The following FAF2 variants were observed in gnomAD, a reference collection of about 807,000 sequenced individuals.
FAF2 encodes the protein FAS-associated factor 2.
In FAF2, 9 loss-of-function variants were observed where a neutral mutation model predicts 62.3. The observed-to-expected ratio is 0.14, with a 90% CI of 0.09 to 0.25. The LOEUF is 0.25. FAF2 is among the 10% of genes least tolerant of loss of function. FAF2 has a pLI of 1.00. For missense variants in FAF2, 368 were observed against 556.2 expected, an observed-to-expected ratio of 0.66 and a Z score of 3.40; for synonymous variants, 202 against 198.0, an observed-to-expected ratio of 1.02 and a Z score of -0.17.
At chr5:176,504,128 C>G (rs185347510) in intron 10 of FAF2, among the ~76,000 whole-genome samples, 1 of 151,490 alleles carries the variant, frequency 6.6e-6, no homozygotes, top group African/African-American at 2.4e-5. Context: ...AAAACAAAAG[C>G]CAAGTTTGTA....
rs1341424081 is a variant in FAF2 at position 176,495,759 on chromosome 5, AC to A, written c.662-725del. 4.6e-5 allele frequency among the ~76,000 whole-genome samples: 7 copies of A among 151,570 alleles called. No individual in the cohort carries two copies. In the East Asian group the frequency reaches 1.4e-3, roughly 30 times the overall value. ...ACCCCTGACCTCAAGTGATCCAACCACCTCCGCCTCCCAAAAGTGCTAGGAT... is the reference window on the plus strand; with the variant it reads ...ACCCCTGACCTCAAGTGATCCAACCACTCCGCCTCCCAAAAGTGCTAGGAT... On this transcript the variant is annotated intron_variant, in intron 7 of 10. Coordinates refer to ENST00000261942, the MANE Select transcript of FAF2 (RefSeq NM_014613.3).
chr5:176,463,528 T>C (rs1758415906), intron 1 of FAF2, among the ~76,000 whole-genome samples: 1 of 152,158 alleles, frequency 6.6e-6, no homozygotes, highest in Non-Finnish European at 1.5e-5. Context: ...CATGTTTCTT[T>C]TTTTTCCTGA....
chr5:176,507,370 G>A lies in FAF2; in HGVS notation c.*420G>A, dbSNP rs1489324489. ...CAACCAGCTACTTGCAGCATCTCCTGAGGACTTGCTTCTCCTGCCTCTGGG... is the reference window on the plus strand; with the variant it reads ...CAACCAGCTACTTGCAGCATCTCCTAAGGACTTGCTTCTCCTGCCTCTGGG... On this transcript the variant is annotated 3_prime_UTR_variant, in exon 11 of 11. Coordinates refer to ENST00000261942, the MANE Select transcript of FAF2 (RefSeq NM_014613.3). The A allele has an allele frequency of 2.2e-6, 1 of 449,484 alleles. No homozygotes were observed. Among genetic ancestry groups the A allele is most frequent in the South Asian group, 1.6e-5 (1 of 63,070 alleles). The allele number at this position is 449,484 out of a possible 1,614,324, so 27.8% of individuals were successfully genotyped here. A position where few individuals can be genotyped will look rare whatever the true frequency, so the allele number is the denominator to read the frequency against.
At chr5:176,451,830 A>G (rs1269590626) in intron 1 of FAF2, among the ~76,000 whole-genome samples, 413 of 23,926 alleles carry the variant, frequency 0.017, 52 homozygotes, top group African/African-American at 0.08. Flanking sequence ...ATATATATAC[A>G]TATATATATA....
intron 1 of FAF2, among the ~76,000 whole-genome samples, chr5:176,462,734 CTT>C (rs1267459139): frequency 6.6e-5 from 10 of 152,170 alleles, no homozygotes; most frequent in African/African-American, 2.2e-4. Context: ...CATTTTGTGA[CTT>C]GACATTAAAT....
chr5:176,496,561 T>C lies in FAF2; in HGVS notation c.737T>C (p.Val246Ala). 7 of 1,613,420 alleles carry C rather than the reference T, an allele frequency of 4.3e-6. No individual in the cohort carries two copies. Among genetic ancestry groups the C allele is most frequent in the Non-Finnish European group, 5.9e-6 (7 of 1,179,642 alleles). ...CTGAAGGATCGAAGGATGACTGTGGTGGGACGGCTAGAAGGCCTCATTCAA... is the reference window on the plus strand; with the variant it reads ...CTGAAGGATCGAAGGATGACTGTGGCGGGACGGCTAGAAGGCCTCATTCAA... Reference protein sequence around the residue: ...IMLKDRRMTVVGRLEGLIQPD... With the variant: ...IMLKDRRMTVAGRLEGLIQPD... The change falls in exon 8 of 11, where the codon GTG becomes GCG. Residue 246 changes from valine (V) to alanine (A), a missense_variant. This residue lies in a region of FAF2 where 331 missense variants were observed against 441.9 expected (regional missense o/e 0.75). Transcript: ENST00000261942.
intron 2 of FAF2, among the ~76,000 whole-genome samples, chr5:176,480,819 GC>G (rs1758774042): frequency 7.9e-6 from 1 of 126,020 alleles, no homozygotes; most frequent in African/African-American, 2.9e-5. Flanking sequence ...GGGCTGGGGG[GC>G]TAGGGGAGGG....
chr5:176,500,179 T>TAGC (rs751321422), intron 10 of FAF2, 33 bp downstream of exon 10: 3 of 1,608,634 alleles, frequency 1.9e-6, no homozygotes, highest in Non-Finnish European at 1.7e-6. Flanking sequence ...GAAGTGTATG[T>TAGC]AGCATCTGGG....
chr5:176,495,443 T>C (rs1759043125), intron 7 of FAF2, among the ~76,000 whole-genome samples: 1 of 152,078 alleles, frequency 6.6e-6, no homozygotes, highest in Non-Finnish European at 1.5e-5. Flanking sequence ...AAATCTCTTA[T>C]TTCACACCAT....
chr5:176,463,160 G>A (rs1234402550), intron 1 of FAF2, among the ~76,000 whole-genome samples: 1 of 152,116 alleles, frequency 6.6e-6, no homozygotes, highest in African/African-American at 2.4e-5. Context: ...TTGGGAGGCT[G>A]AGGCGGGTGG....
At chr5:176,472,338 G>A (rs1758585991) in intron 1 of FAF2, among the ~76,000 whole-genome samples, 1 of 151,442 alleles carries the variant, frequency 6.6e-6, no homozygotes, top group Admixed American at 6.6e-5. Flanking sequence ...GTAGAGATGG[G>A]GTTTCACCAT....
chr5:176,504,727 G>A (rs577926999), intron 10 of FAF2, among the ~76,000 whole-genome samples: 6 of 152,266 alleles, frequency 3.9e-5, no homozygotes, highest in African/African-American at 1.2e-4. Flanking sequence ...TAGGTTGATA[G>A]ACTAAAATAT....
rs1365229171 is a variant in FAF2 at position 176,499,108 on chromosome 5, C to A, written c.1011+23C>A. On this transcript the variant is annotated intron_variant, in intron 9 of 10. Coordinates refer to ENST00000261942, the MANE Select transcript of FAF2 (RefSeq NM_014613.3). Reference sequence around the variant, plus strand: ...CAGGTAATGGACGTGTGGCTTTACTCCCTGTGGTTCCCAAACTGCCGAGAC... The same window carrying A: ...CAGGTAATGGACGTGTGGCTTTACTACCTGTGGTTCCCAAACTGCCGAGAC... The A allele has an allele frequency of 3.9e-6, 6 of 1,540,688 alleles. No individual in the cohort carries two copies. The African/African-American group carries it at 4.1e-5, about 11-fold the overall frequency.
At chr5:176,498,383 A>G (rs1755535796) in intron 8 of FAF2, among the ~76,000 whole-genome samples, 2 of 152,174 alleles carry the variant, frequency 1.3e-5, no homozygotes, top group Non-Finnish European at 2.9e-5. Context: ...TTGGCTAAAT[A>G]TTTTGGCTAA....
At chr5:176,501,357 C>G (rs1404184400) in intron 10 of FAF2, among the ~76,000 whole-genome samples, 1 of 152,102 alleles carries the variant, frequency 6.6e-6, no homozygotes, top group Non-Finnish European at 1.5e-5. Flanking sequence ...CAAGGGTAAA[C>G]CTCATAATTA....
intron 1 of FAF2, among the ~76,000 whole-genome samples, chr5:176,453,988 G>A (rs549948994): frequency 4.0e-4 from 61 of 151,742 alleles, no homozygotes; most frequent in Admixed American, 2.2e-3. Context: ...CCCAGGAGGC[G>A]AAGGTTGCAG....
intron 10 of FAF2, among the ~76,000 whole-genome samples, chr5:176,502,767 C>T (rs900551490): frequency 1.3e-4 from 20 of 150,420 alleles, no homozygotes; most frequent in African/African-American, 4.4e-4. Context: ...AAAAGAGTAT[C>T]GGCTGGGCGT....
chr5:176,506,192 C>CAAAAAAAAAAAAAAAAAAAAAAAAA, intron 10 of FAF2, among the ~76,000 whole-genome samples: 1 of 64,794 alleles, frequency 1.5e-5, no homozygotes, highest in Non-Finnish European at 3.2e-5. Context: ...GAGACTCTCT[C>CAAAAAAAAAAAAAAAAAAAAAAAAA]AAAAAAAAAA....
chr5:176,476,345 T>G (rs1236273959), intron 1 of FAF2, among the ~76,000 whole-genome samples: 1 of 152,198 alleles, frequency 6.6e-6, no homozygotes, highest in African/African-American at 2.4e-5. Flanking sequence ...TTTCAGCTTA[T>G]AGCTATGATG....
Sources: allele counts gnomAD v4.1 joint callset (sites outside exome capture counted in the v4.1 genomes callset), GRCh38; gene constraint gnomAD v4.1.1; regional missense constraint gnomAD v4.1.1; transcripts MANE v1.5; gene names NCBI Gene and HGNC (gene_info 2026-07-23, HGNC 2026-07-21).